The following ABR variants were observed in gnomAD, a reference collection of about 807,000 sequenced individuals.
ABR encodes ABR activator of RhoGEF and GTPase, also known as active breakpoint cluster region-related protein.
ABR carries 35 observed loss-of-function variants against 107.2 expected under a neutral mutation model. The observed-to-expected ratio is 0.33, with a 90% CI of 0.25 to 0.43. The LOEUF is 0.43. Ranked by LOEUF, ABR falls within the 20% of genes least tolerant of loss-of-function variation. The pLI is 1.00. For missense variants in ABR, 815 were observed against 1,115.2 expected, an observed-to-expected ratio of 0.73 and a Z score of 3.83; for synonymous variants, 498 against 462.0, an observed-to-expected ratio of 1.08 and a Z score of -1.00.
At chr17:1,082,769 T>C (rs2036332209) in intron 5 of ABR, among the ~76,000 whole-genome samples, 2 of 152,124 alleles carry the variant, frequency 1.3e-5, no homozygotes. Flanking sequence ...AATCAGAAGC[T>C]CCGGGGAAGG....
chr17:1,153,298 A>G lies in ABR; in HGVS notation c.61+26369T>C, dbSNP rs555382399. On this transcript the variant is annotated intron_variant, in intron 1 of 22. Transcript: ENST00000302538. Reference sequence around the variant, plus strand: ...GTGGCCCCCTGTGTCCCTCAGTCATACCCCCCAGCCTGGCCAATGCCCAGA... The same window carrying G: ...GTGGCCCCCTGTGTCCCTCAGTCATGCCCCCCAGCCTGGCCAATGCCCAGA... 3.8e-4 allele frequency among the ~76,000 whole-genome samples: 57 copies of G among 151,412 alleles called. 2 individuals carry two copies. In the South Asian group the frequency reaches 0.011, roughly 29 times the overall value.
upstream of ABR, among the ~76,000 whole-genome samples, chr17:1,188,849 A>G (rs943554081): frequency 2.0e-5 from 3 of 152,216 alleles, no homozygotes; most frequent in Non-Finnish European, 2.9e-5. Context: ...TGCCTTCACA[A>G]GGGAAGCCGG....
upstream of ABR, among the ~76,000 whole-genome samples, chr17:1,190,646 A>G (rs1329248078): frequency 6.6e-6 from 1 of 152,152 alleles, no homozygotes; most frequent in African/African-American, 2.4e-5. Flanking sequence ...TCTCAAAAAA[A>G]CACACACAAA....
chr17:1,118,374 G>T (rs1389545198), intron 2 of ABR, among the ~76,000 whole-genome samples: 2 of 28,150 alleles, frequency 7.1e-5, no homozygotes. Flanking sequence ...TCCTCCCAGC[G>T]TTATCCCTGA....
intron 1 of ABR, among the ~76,000 whole-genome samples, chr17:1,127,592 C>A (rs2039654060): frequency 1.3e-5 from 2 of 152,200 alleles, no homozygotes; most frequent in African/African-American, 4.8e-5. Flanking sequence ...CCCCTCCCTC[C>A]TCCCTCCTCC....
In ABR at chr17:1,210,007, G is replaced by C. The variant is rs1417893301; in HGVS notation, c.838+18786C>G. ...AGAAAACAGATACATATGCCAAAGT[G>C]CCTTCAGAACCTCCAACAAATTAAA... On this transcript the variant is annotated intron_variant, in intron 1 of 22. Coordinates refer to the ABR transcript ENST00000574139. This position sits in a 1 kb window ranked among gnomAD's most constrained non-coding sequence, Gnocchi z 5.6. 6.6e-6 allele frequency among the ~76,000 whole-genome samples: 1 copy of C among 152,130 alleles called. No individual in the cohort carries two copies. Among genetic ancestry groups the C allele is most frequent in the Non-Finnish European group, 1.5e-5 (1 of 68,034 alleles).
intron 10 of ABR, among the ~76,000 whole-genome samples, chr17:1,061,827 G>A (rs1185498131): frequency 1.3e-5 from 2 of 152,196 alleles, no homozygotes; most frequent in Non-Finnish European, 2.9e-5. Flanking sequence ...GATTACCGGT[G>A]TAAACCACCA....
chr17:1,008,965 G>T (rs2070291090), intron 21 of ABR, among the ~76,000 whole-genome samples: 1 of 152,190 alleles, frequency 6.6e-6, no homozygotes, highest in South Asian at 2.1e-4. Context: ...GGACAGGTCT[G>T]CTACTAACCC....
intron 13 of ABR, among the ~76,000 whole-genome samples, chr17:1,056,402 C>A (rs1394227062): frequency 6.6e-6 from 1 of 152,178 alleles, no homozygotes; most frequent in Non-Finnish European, 1.5e-5. Flanking sequence ...GTCTCTCCCT[C>A]CAAATCCTGC....
At chr17:1,022,246 T>C (rs1676352060) in intron 16 of ABR, among the ~76,000 whole-genome samples, 1 of 152,152 alleles carries the variant, frequency 6.6e-6, no homozygotes, top group Admixed American at 6.5e-5. Flanking sequence ...GCCCAGGCCC[T>C]GAGCCAGGCA....
At position 1,060,865 on chromosome 17, in the gene ABR, G is replaced by A. The variant is rs183025042; in HGVS notation, c.1183-1998C>T. 3.4e-4 allele frequency among the ~76,000 whole-genome samples: 51 copies of A among 152,008 alleles called. No homozygotes were observed. In the East Asian group the frequency reaches 5.8e-3, roughly 17 times the overall value. On this transcript the variant is annotated intron_variant, in intron 10 of 22. Coordinates refer to ENST00000302538, the MANE Select transcript of ABR (RefSeq NM_021962.5). ...AAATTAGCCAGGCGTGGTGGCGGACGCCTTTATTCCCAGCTACTCAGGAGG... is the reference window on the plus strand; with the variant it reads ...AAATTAGCCAGGCGTGGTGGCGGACACCTTTATTCCCAGCTACTCAGGAGG...
intron 1 of ABR, among the ~76,000 whole-genome samples, chr17:1,221,577 A>G (rs938697344): frequency 6.6e-6 from 1 of 152,166 alleles, no homozygotes; most frequent in African/African-American, 2.4e-5. Flanking sequence ...CAGTTTTGTC[A>G]TATACAGCAA....
intron 1 of ABR, among the ~76,000 whole-genome samples, chr17:1,137,192 C>T (rs140168243): frequency 0.053 from 8,031 of 151,998 alleles, 343 homozygotes; most frequent in Non-Finnish European, 0.079. Flanking sequence ...TACAGGCGCC[C>T]GCCACCACGC....
At position 1,154,544 on chromosome 17, in the gene ABR, C is replaced by T. The variant is rs1268282453; in HGVS notation, c.61+25123G>A. On this transcript the variant is annotated intron_variant, in intron 1 of 22. Transcript: ENST00000302538. This position sits in a 1 kb window ranked among gnomAD's most constrained non-coding sequence, Gnocchi z 4.0. ...TGTCTGGCTGCCCTGGGGAGTGTTA[C>T]CTCCTCTGCACGGAAGGCACACTAG... The T allele has an allele frequency of 2.6e-5, 4 of 152,244 alleles. No homozygotes were observed. The highest frequency in any genetic ancestry group is 9.7e-5 in the African/African-American group (4 of 41,394). 9.4% of individuals were successfully genotyped at this position (152,244 alleles called of 1,614,324 possible). A position where few individuals can be genotyped will look rare whatever the true frequency, so the allele number is the denominator to read the frequency against.
intron 1 of ABR, among the ~76,000 whole-genome samples, chr17:1,133,327 T>C (rs16958538): frequency 0.016 from 2,423 of 152,176 alleles, 54 homozygotes; most frequent in African/African-American, 0.051. Context: ...GTACAGTTTA[T>C]ACCCAGCGTA....
intron 5 of ABR, among the ~76,000 whole-genome samples, chr17:1,079,725 G>A (rs1176667206): frequency 6.9e-6 from 1 of 145,674 alleles, no homozygotes; most frequent in Non-Finnish European, 1.5e-5. Context: ...GGAGGCGGAG[G>A]TTGCAGTGAG....
intron 10 of ABR, among the ~76,000 whole-genome samples, chr17:1,065,770 C>A (rs973454405): frequency 5.5e-5 from 7 of 127,398 alleles, no homozygotes; most frequent in African/African-American, 1.8e-4. Flanking sequence ...TTTTTTGAGA[C>A]AGTCTCACTC....
intron 9 of ABR, 129 bp from the exon 10 acceptor site, chr17:1,067,371 C>T (rs1173855091): frequency 3.4e-6 from 3 of 886,886 alleles, no homozygotes; most frequent in African/African-American, 3.4e-5. Flanking sequence ...AGAACGATCC[C>T]TGCTCCTGAG....
At chr17:1,140,136 C>T (rs1016885003) in intron 1 of ABR, among the ~76,000 whole-genome samples, 1 of 152,178 alleles carries the variant, frequency 6.6e-6, no homozygotes, top group African/African-American at 2.4e-5. Context: ...CGGGGCAAAC[C>T]GCCCCTCCGT....
Sources: gnomAD v4.1 joint callset for allele counts (sites outside exome capture counted in the v4.1 genomes callset) on GRCh38, gnomAD v4.1.1 for gene constraint, Gnocchi (gnomAD v3.1) non-coding constraint, MANE v1.5 for transcripts, NCBI Gene and HGNC (gene_info 2026-07-23, HGNC 2026-07-21) for gene names.